ADAM2: variants seen among roughly 807,000 people sequenced by gnomAD.
The protein encoded by ADAM2 is disintegrin and metalloproteinase domain-containing protein 2.
ADAM2 carries 101 observed loss-of-function variants against 99.3 expected under a neutral mutation model. The observed-to-expected ratio is 1.02, with a 90% CI of 0.87 to 1.20. The LOEUF (loss-of-function observed/expected upper bound fraction) is 1.20, where lower values mean the gene tolerates loss of function less well. ADAM2 is among the 50% of genes most tolerant of loss of function. ADAM2 has a pLI of 0.00. For synonymous variants in ADAM2, 323 were observed against 287.6 expected (o/e 1.12, Z -1.25); for missense variants, 948 against 878.7 (o/e 1.08, Z -1.00).
At position 39,744,889 on chromosome 8, in the gene ADAM2, G is replaced by A. The variant is rs1206266193; in HGVS notation, c.2179C>T (p.Pro727Ser). 1.2e-6 allele frequency: 2 copies of A among 1,600,394 alleles called. No homozygotes were observed. The highest frequency in any genetic ancestry group is 2.2e-5 in the East Asian group (1 of 44,598). ...CCTTTAGGTTCACTCTCACTTTCAGGTTGCCTGCATATTAAAAATAAAAAT... is the reference window on the plus strand; with the variant it reads ...CCTTTAGGTTCACTCTCACTTTCAGATTGCCTGCATATTAAAAATAAAAAT... ...RTEDYSSDEQPESESEPKG is the reference protein window; with the variant it reads ...RTEDYSSDEQSESESEPKG Residue 727 changes from proline to serine, a missense_variant, in exon 20 of 21, where the codon CCT (proline) becomes TCT (serine). Physicochemically the swap from Pro to Ser is moderately conservative, Grantham distance 74 (BLOSUM62 -1). Coordinates refer to ENST00000265708, the MANE Select transcript of ADAM2 (RefSeq NM_001464.5).
At position 39,769,545 on chromosome 8, in the gene ADAM2, G is replaced by T; in HGVS notation, c.1059C>A (p.Asn353Lys). 6.2e-7 allele frequency: 1 copy of T among 1,613,666 alleles called. No individual in the cohort carries two copies. Among genetic ancestry groups the T allele is most frequent in the Non-Finnish European group, 8.5e-7 (1 of 1,179,664 alleles). Residue 353 changes from asparagine to lysine, a missense_variant, in exon 12 of 21, where the codon AAC becomes AAA. Coordinates refer to ENST00000265708, the MANE Select transcript of ADAM2 (RefSeq NM_001464.5). ...AATGTGCAAAGTCTTCGAAGCTGCA[G>T]TTACTAAAGATCTTCACACCACTGA... ...IHFSGVKIFS[N>K]CSFEDFAHFI...
At chr8:39,821,320 C>CA in intron 5 of ADAM2, 150 bp from the exon 6 acceptor site, 1 of 644,108 alleles carries the variant, frequency 1.6e-6, no homozygotes, top group Non-Finnish European at 2.6e-6. Flanking sequence ...TGGGTATCCA[C>CA]AAACTTACTG....
rs568073155 is a variant in ADAM2 at position 39,745,778 on chromosome 8, A to G, written c.2174+694T>C. Among the ~76,000 whole-genome samples, 13 of 152,194 alleles carry G rather than the reference A, an allele frequency of 8.5e-5. No individual in the cohort carries two copies. In the South Asian group the frequency reaches 2.7e-3, roughly 32 times the overall value. On this transcript the variant is annotated intron_variant, in intron 19 of 20. Coordinates refer to ENST00000265708, the MANE Select transcript of ADAM2 (RefSeq NM_001464.5). ...CATTAAAATAGCATAAAAATTCACT[A>G]AGATATAGAAATATTACAAAGTTAT...
intron 7 of ADAM2, among the ~76,000 whole-genome samples, chr8:39,806,386 G>C (rs1804442691): frequency 1.3e-5 from 2 of 151,512 alleles, no homozygotes; most frequent in Non-Finnish European, 2.9e-5. Flanking sequence ...TTTCAAGATA[G>C]GCTTTCAGGA....
rs551481023 is a variant in ADAM2, at chr8:39,831,204, C to T, written c.188+2740G>A. Among the ~76,000 whole-genome samples the T allele has an allele frequency of 2.0e-3, 305 of 152,180 alleles. 3 individuals carry two copies. Among genetic ancestry groups the T allele is most frequent in the African/African-American group, 7.0e-3 (291 of 41,516 alleles). ...GAGACCCTGGACAAAAGGATGCTACCCAATACTGACTGAGGCAGAAATAGC... is the reference window on the plus strand; with the variant it reads ...GAGACCCTGGACAAAAGGATGCTACTCAATACTGACTGAGGCAGAAATAGC... On this transcript the variant is annotated intron_variant, in intron 3 of 20. Transcript: ENST00000265708.
intron 14 of ADAM2, among the ~76,000 whole-genome samples, 194 bp from the exon 15 acceptor site, chr8:39,761,475 C>A (rs1802368426): frequency 6.6e-6 from 1 of 152,156 alleles, no homozygotes; most frequent in African/African-American, 2.4e-5. Flanking sequence ...ATTGAAAGGA[C>A]TCTGGTCTAC....
intron 3 of ADAM2, among the ~76,000 whole-genome samples, chr8:39,828,634 C>T (rs1353936946): frequency 6.6e-6 from 1 of 151,602 alleles, no homozygotes; most frequent in Non-Finnish European, 1.5e-5. Flanking sequence ...TTATAAACAC[C>T]TATTATAAAG....
At chr8:39,820,631 G>A (rs1256603714) in intron 6 of ADAM2, among the ~76,000 whole-genome samples, 1 of 152,022 alleles carries the variant, frequency 6.6e-6, no homozygotes, top group Non-Finnish European at 1.5e-5. Flanking sequence ...TACAAGATAG[G>A]GGTGACTCTC....
At chr8:39,763,745 A>G (rs1802461370) in intron 14 of ADAM2, among the ~76,000 whole-genome samples, 1 of 152,180 alleles carries the variant, frequency 6.6e-6, no homozygotes, top group South Asian at 2.1e-4. Context: ...TTCCCTTTGG[A>G]CTTGCTCTCA....
At chr8:39,751,589 A>G (rs1329318500) in intron 16 of ADAM2, among the ~76,000 whole-genome samples, 1 of 152,216 alleles carries the variant, frequency 6.6e-6, no homozygotes, top group Non-Finnish European at 1.5e-5. Flanking sequence ...AGGGAAAAGC[A>G]GCATCCAAAT....
At chr8:39,772,167 G>A (rs898716891) in intron 11 of ADAM2, among the ~76,000 whole-genome samples, 17 of 151,022 alleles carry the variant, frequency 1.1e-4, no homozygotes, top group African/African-American at 4.1e-4. Context: ...TCCGATTAGA[G>A]TACTTTTTTG....
At chr8:39,834,629 G>A (rs987263261) in intron 2 of ADAM2, among the ~76,000 whole-genome samples, 1 of 150,670 alleles carries the variant, frequency 6.6e-6, no homozygotes, top group Admixed American at 6.7e-5. Flanking sequence ...AGATACTGGG[G>A]AGGCCGAGAC....
chr8:39,758,939 T>C (rs1272965030), intron 15 of ADAM2, among the ~76,000 whole-genome samples: 1 of 152,044 alleles, frequency 6.6e-6, no homozygotes, highest in Non-Finnish European at 1.5e-5. Flanking sequence ...AATAAAAATA[T>C]AGAAGTGACT....
At chr8:39,762,613 T>C (rs967475048) in intron 14 of ADAM2, among the ~76,000 whole-genome samples, 5 of 152,196 alleles carry the variant, frequency 3.3e-5, no homozygotes, top group African/African-American at 9.6e-5. Flanking sequence ...ACTTAAGAAA[T>C]ATTATCCTAG....
intron 19 of ADAM2, among the ~76,000 whole-genome samples, chr8:39,745,406 T>C (rs1278484618): frequency 1.3e-5 from 2 of 152,144 alleles, no homozygotes; most frequent in Admixed American, 1.3e-4. Context: ...TTCATTTACA[T>C]TGTCATTTTA....
intron 3 of ADAM2, among the ~76,000 whole-genome samples, chr8:39,828,712 CAA>C (rs1805506957): frequency 1.3e-5 from 2 of 151,654 alleles, no homozygotes; most frequent in Admixed American, 6.6e-5. Context: ...AGCATTTAAA[CAA>C]AGAGAAGAGA....
intron 4 of ADAM2, among the ~76,000 whole-genome samples, chr8:39,822,569 T>C (rs75894649): frequency 1.3e-5 from 2 of 152,254 alleles, no homozygotes; most frequent in East Asian, 1.9e-4. Flanking sequence ...TTGAAAAGTA[T>C]GTGTATACAC....
intron 17 of ADAM2, 38 bp downstream of exon 17, chr8:39,749,629 A>G: frequency 6.4e-7 from 1 of 1,561,146 alleles, no homozygotes; most frequent in East Asian, 2.2e-5. Context: ...AATTAGGCTC[A>G]ATGATTTCTA....
At chr8:39,793,465 T>G (rs924208215) in intron 7 of ADAM2, among the ~76,000 whole-genome samples, 2 of 152,112 alleles carry the variant, frequency 1.3e-5, no homozygotes, top group Admixed American at 6.6e-5. Context: ...GCCCTATTTA[T>G]CCATTGGGAG....
Sources: gnomAD v4.1 joint callset for allele counts (sites outside exome capture counted in the v4.1 genomes callset) on GRCh38, gnomAD v4.1.1 for gene constraint, MANE v1.5 for transcripts, NCBI Gene and HGNC (gene_info 2026-07-23, HGNC 2026-07-21) for gene names.